SLC44A5: variants seen among roughly 807,000 people sequenced by gnomAD.
SLC44A5 encodes the protein solute carrier family 44 member 5.
A neutral mutation model predicts 101.8 loss-of-function variants in SLC44A5; 57 were observed. That is an observed-to-expected ratio of 0.56 (90% CI 0.45 to 0.70). The LOEUF (loss-of-function observed/expected upper bound fraction) is 0.70. SLC44A5 is among the 30% of genes least tolerant of loss of function. The pLI is 0.00. For synonymous variants in SLC44A5, 281 were observed against 290.9 expected, an observed-to-expected ratio of 0.97 and a Z score of 0.35; for missense variants, 737 against 853.1, an observed-to-expected ratio of 0.86 and a Z score of 1.70.
the SLC44A5 span, among the ~76,000 whole-genome samples, chr1:75,703,519 G>C: frequency 6.6e-6 from 1 of 151,910 alleles, no homozygotes; most frequent in East Asian, 1.9e-4. Context: ...TGTGGGGTGG[G>C]GCGAGGGGGG....
chr1:75,548,613 A>C (rs758388871), intron 1 of SLC44A5, among the ~76,000 whole-genome samples: 1 of 152,158 alleles, frequency 6.6e-6, no homozygotes. Context: ...CTCAAAGAAT[A>C]CACATAACAC....
intron 4 of SLC44A5, among the ~76,000 whole-genome samples, chr1:75,322,047 C>T (rs1278280059): frequency 6.6e-6 from 1 of 152,128 alleles, no homozygotes; most frequent in African/African-American, 2.4e-5. Flanking sequence ...GGTGTGGTGG[C>T]TCACGTCTGG....
the SLC44A5 span, among the ~76,000 whole-genome samples, chr1:75,621,584 G>T: frequency 6.6e-6 from 1 of 152,000 alleles, no homozygotes; most frequent in East Asian, 1.9e-4. Flanking sequence ...ATTTTACATT[G>T]AATACCTGTG....
At chr1:75,224,587 A>AAATTTTTTGTTTCT (rs1553143976) in intron 13 of SLC44A5, among the ~76,000 whole-genome samples, 2 of 152,058 alleles carry the variant, frequency 1.3e-5, no homozygotes, top group African/African-American at 4.8e-5. Flanking sequence ...TTTAAATTTT[A>AAATTTTTTGTTTCT]AATTTTTTGT....
chr1:75,248,322 T>A (rs560190740), intron 7 of SLC44A5, among the ~76,000 whole-genome samples: 1 of 152,080 alleles, frequency 6.6e-6, no homozygotes, highest in African/African-American at 2.4e-5. Flanking sequence ...GATAATTTAG[T>A]AGAGAAGGAA....
intron 3 of SLC44A5, among the ~76,000 whole-genome samples, chr1:75,389,154 T>A (rs1408444094): frequency 6.6e-6 from 1 of 152,172 alleles, no homozygotes; most frequent in Non-Finnish European, 1.5e-5. Context: ...ATATACGCAC[T>A]CAACACTGGA....
At chr1:75,269,143 A>G (rs1410671424) in intron 6 of SLC44A5, among the ~76,000 whole-genome samples, 1 of 152,130 alleles carries the variant, frequency 6.6e-6, no homozygotes, top group Non-Finnish European at 1.5e-5. Context: ...CCTATAAGAC[A>G]AAAATAATAT....
intron 3 of SLC44A5, among the ~76,000 whole-genome samples, chr1:75,392,080 G>T (rs1018305057): frequency 6.6e-6 from 1 of 151,996 alleles, no homozygotes; most frequent in Non-Finnish European, 1.5e-5. Flanking sequence ...GCCTAGGAAG[G>T]TCTATGCTGC....
chr1:75,583,097 C>T (rs1570671571), intron 1 of SLC44A5, among the ~76,000 whole-genome samples: 1 of 152,172 alleles, frequency 6.6e-6, no homozygotes, highest in Non-Finnish European at 1.5e-5. Context: ...ACGTCCCCTC[C>T]TGTCAGCTCA....
In SLC44A5 at chr1:75,234,145, A is replaced by G. The variant is rs555847884; in HGVS notation, c.741-47T>C. The stretch of plus-strand genomic sequence containing the variant: ...CACAGTGGTCAAGTGTGCTAAACAC[A>G]GCATATTACAAACATCAAGACAAAA... On this transcript the variant is annotated intron_variant, in intron 11 of 23. Transcript: ENST00000370859. The G allele has an allele frequency of 1.4e-4, 188 of 1,349,278 alleles. 5 individuals carry two copies. In the South Asian group the frequency reaches 2.2e-3, roughly 16 times the overall value. 83.6% of individuals were successfully genotyped at this position (1,349,278 alleles called of 1,614,324 possible). A position where few individuals can be genotyped will look rare whatever the true frequency, so the allele number is the denominator to read the frequency against.
chr1:75,578,814 T>A (rs1293949652), intron 1 of SLC44A5, among the ~76,000 whole-genome samples: 1 of 152,184 alleles, frequency 6.6e-6, no homozygotes, highest in African/African-American at 2.4e-5. Flanking sequence ...ATATGTGAGG[T>A]GACAGATATG....
chr1:75,477,383 C>G (rs1336777733), intron 2 of SLC44A5, among the ~76,000 whole-genome samples: 1 of 152,232 alleles, frequency 6.6e-6, no homozygotes, highest in Non-Finnish European at 1.5e-5. Context: ...TCCTCACCAG[C>G]AACGGAACAA....
At chr1:75,268,040 T>A (rs1025731703) in intron 6 of SLC44A5, among the ~76,000 whole-genome samples, 2 of 152,238 alleles carry the variant, frequency 1.3e-5, no homozygotes, top group Non-Finnish European at 2.9e-5. Flanking sequence ...TCTGCACTTA[T>A]AAATAATCCA....
chr1:75,643,592 A>C, the SLC44A5 span, among the ~76,000 whole-genome samples: 3 of 152,162 alleles, frequency 2.0e-5, no homozygotes, highest in Non-Finnish European at 2.9e-5. Flanking sequence ...GTGTCATAGG[A>C]GGGGCCCAGT....
At chr1:75,337,104 G>A (rs1334423111) in intron 4 of SLC44A5, among the ~76,000 whole-genome samples, 3 of 150,212 alleles carry the variant, frequency 2.0e-5, no homozygotes, top group Admixed American at 6.6e-5. Context: ...GTGTAATAAT[G>A]CTATGGCCGT....
chr1:75,675,521 A>G, the SLC44A5 span, among the ~76,000 whole-genome samples: 1 of 152,170 alleles, frequency 6.6e-6, no homozygotes, highest in Non-Finnish European at 1.5e-5. Context: ...GACTGAGACG[A>G]TCACTCCCTT....
At chr1:75,406,893 C>A (rs971424042) in intron 2 of SLC44A5, among the ~76,000 whole-genome samples, 1 of 151,914 alleles carries the variant, frequency 6.6e-6, no homozygotes, top group Non-Finnish European at 1.5e-5. Context: ...AAAGGGTATT[C>A]AAATAGGAAG....
chr1:75,699,302 C>A, the SLC44A5 span, among the ~76,000 whole-genome samples: 3 of 152,136 alleles, frequency 2.0e-5, no homozygotes, highest in Admixed American at 1.3e-4. Flanking sequence ...AACAGCGGAT[C>A]TCTCGGCAGA....
chr1:75,686,245 G>A, the SLC44A5 span, among the ~76,000 whole-genome samples: 108 of 152,282 alleles, frequency 7.1e-4, 2 homozygotes, highest in East Asian at 0.016. Flanking sequence ...TTGCACACGT[G>A]TGTGTATATG....
Sources: allele counts gnomAD v4.1 joint callset (sites outside exome capture counted in the v4.1 genomes callset), GRCh38; gene constraint gnomAD v4.1.1; transcripts MANE v1.5; gene names NCBI Gene and HGNC (gene_info 2026-07-23, HGNC 2026-07-21).